CHD2: variants seen among roughly 807,000 people sequenced by gnomAD.
CHD2 encodes ATP-dependent chromatin remodeler CHD2.
CHD2 carries 28 observed loss-of-function variants against 243.9 expected under a neutral mutation model. The observed-to-expected ratio is 0.11, with a 90% CI of 0.09 to 0.16. The LOEUF (loss-of-function observed/expected upper bound fraction) is 0.16, where lower values mean the gene tolerates loss of function less well. CHD2 is among the 10% of genes least tolerant of loss of function. The pLI is 1.00. For missense variants in CHD2, 1,386 were observed against 2,209.8 expected (o/e 0.63, Z 7.47); for synonymous variants, 775 against 779.0 (o/e 0.99, Z 0.09).
At chr15:92,920,884 G>A (rs1470564046) in intron 2 of CHD2, among the ~76,000 whole-genome samples, 4 of 152,206 alleles carry the variant, frequency 2.6e-5, no homozygotes, top group Non-Finnish European at 5.9e-5. Context: ...TGCTTAGTTT[G>A]CAAGTTTATT....
intron 33 of CHD2, 167 bp from the exon 34 acceptor site, chr15:93,004,450 C>T (rs2141876275): frequency 3.8e-6 from 2 of 524,122 alleles, no homozygotes; most frequent in Non-Finnish European, 3.2e-6. Flanking sequence ...AGCTGCTAAT[C>T]AGACAGGTTT....
intron 2 of CHD2, among the ~76,000 whole-genome samples, chr15:92,909,342 G>A (rs1225376138): frequency 6.6e-6 from 1 of 152,066 alleles, no homozygotes; most frequent in Admixed American, 6.6e-5. Flanking sequence ...AAAAACATTG[G>A]TGGGTTGTGA....
intron 27 of CHD2, chr15:92,991,762 A>C: frequency 2.7e-6 from 1 of 373,972 alleles, no homozygotes; most frequent in South Asian, 7.0e-5. Context: ...GAGATAAAGC[A>C]AGTATATTCA....
At chr15:92,980,123 C>A (rs1181200884) in intron 22 of CHD2, among the ~76,000 whole-genome samples, 2 of 151,696 alleles carry the variant, frequency 1.3e-5, no homozygotes, top group African/African-American at 4.8e-5. Context: ...TGGCTCATTG[C>A]AACCTCTGTC....
intron 4 of CHD2, 131 bp downstream of exon 4, chr15:92,927,461 T>C: frequency 6.4e-6 from 4 of 623,160 alleles, no homozygotes; most frequent in Non-Finnish European, 1.1e-5. Context: ...TAATATGAGC[T>C]ATCTATGACC....
At chr15:92,984,573 AGAAGAG>A in intron 25 of CHD2, 73 bp downstream of exon 25, 2 of 1,375,176 alleles carry the variant, frequency 1.5e-6, no homozygotes, top group Non-Finnish European at 1.9e-6. Flanking sequence ...GATTATTCAA[AGAAGAG>A]GCCTTGCATT....
chr15:92,908,268 A>G (rs1456229445), intron 2 of CHD2, among the ~76,000 whole-genome samples: 1 of 152,162 alleles, frequency 6.6e-6, no homozygotes. Context: ...AACAGCAGTA[A>G]TATTTACAAC....
At chr15:92,991,709 A>T (rs1013597402) in intron 27 of CHD2, 192 bp downstream of exon 27, 1 of 445,266 alleles carries the variant, frequency 2.2e-6, no homozygotes, top group Non-Finnish European at 3.9e-6. Context: ...GACAAAGATG[A>T]TAAAGACAGG....
At chr15:92,949,681 C>T (rs2053526360) in intron 13 of CHD2, among the ~76,000 whole-genome samples, 1 of 152,174 alleles carries the variant, frequency 6.6e-6, no homozygotes, top group Admixed American at 6.5e-5. Flanking sequence ...TTGGGAAGTA[C>T]TTACAAATTT....
At position 92,965,875 on chromosome 15, in the gene CHD2, A is replaced by C. The variant is rs139545535; in HGVS notation, c.2001-1450A>C. ...TTTACATTTAATTTTTTAGATTAGTAAAGTTTTAATTTATTATAACATGTG... is the reference window on the plus strand; with the variant it reads ...TTTACATTTAATTTTTTAGATTAGTCAAGTTTTAATTTATTATAACATGTG... On this transcript the variant is annotated intron_variant, in intron 16 of 38. Coordinates refer to ENST00000394196, the MANE Select transcript of CHD2 (RefSeq NM_001271.4). Among the ~76,000 whole-genome samples the C allele has an allele frequency of 8.2e-3, 1,245 of 152,272 alleles. 55 individuals are homozygous for C. Among genetic ancestry groups the C allele is most frequent in the Admixed American group, 0.07 (1,068 of 15,296 alleles).
chr15:92,973,426 T>C, intron 19 of CHD2, among the ~76,000 whole-genome samples: 1 of 152,016 alleles, frequency 6.6e-6, no homozygotes, highest in Admixed American at 6.6e-5. Flanking sequence ...ATTTATTACA[T>C]TTTTTTTAAA....
chr15:92,917,094 T>G (rs192740174), intron 2 of CHD2, among the ~76,000 whole-genome samples: 247 of 152,366 alleles, frequency 1.6e-3, no homozygotes, highest in African/African-American at 5.7e-3. Flanking sequence ...TCATATGTTG[T>G]GTATCTATAT....
At chr15:92,990,436 C>T (rs935537576) in intron 26 of CHD2, among the ~76,000 whole-genome samples, 1 of 152,122 alleles carries the variant, frequency 6.6e-6, no homozygotes, top group African/African-American at 2.4e-5. Flanking sequence ...TGATTGTGAC[C>T]GTTTATGCCA....
chr15:92,997,544 A>C lies in CHD2; in HGVS notation c.3885+141A>C. 1.3e-6 allele frequency: 1 copy of C among 751,518 alleles called. No individual in the cohort carries two copies. The highest frequency in any genetic ancestry group is 1.8e-5 in the African/African-American group (1 of 54,810). 46.6% of individuals were successfully genotyped at this position (751,518 alleles called of 1,614,324 possible). ...CATTCTTGGAAATACTTCCATCTTT[A>C]GCAGATTGTGGCACTGTTTCACGGA... On this transcript the variant is annotated intron_variant, in intron 30 of 38. Coordinates refer to ENST00000394196, the MANE Select transcript of CHD2 (RefSeq NM_001271.4). The surrounding 1 kb of genome is among the most constrained non-coding windows in gnomAD (Gnocchi z 4.1).
chr15:93,012,282 A>G (rs2054403166), intron 35 of CHD2, 63 bp from the exon 36 acceptor site: 4 of 1,052,986 alleles, frequency 3.8e-6, no homozygotes, highest in Non-Finnish European at 5.6e-6. Flanking sequence ...CCATCCATGA[A>G]GATCATAAAA....
chr15:93,011,856 T>C (rs2054398144), intron 35 of CHD2, among the ~76,000 whole-genome samples: 1 of 152,166 alleles, frequency 6.6e-6, no homozygotes, highest in East Asian at 1.9e-4. Context: ...GATGACCAAC[T>C]GAATGGAGGC....
chr15:92,905,710 A>C (rs2052608729), intron 2 of CHD2, among the ~76,000 whole-genome samples: 1 of 152,184 alleles, frequency 6.6e-6, no homozygotes, highest in Non-Finnish European at 1.5e-5. Flanking sequence ...AACTAGCTGA[A>C]ATTGCTTTTT....
intron 19 of CHD2, chr15:92,974,025 G>GC (rs1416649890): frequency 6.6e-6 from 1 of 152,222 alleles, no homozygotes; most frequent in African/African-American, 2.4e-5. Flanking sequence ...TCTGCTGCCA[G>GC]CCAAGTCACC....
Position 93,024,401 on chromosome 15 carries a change from C to G in CHD2, c.5183C>G (p.Ser1728Cys). The change falls in exon 39 of 39, where the codon TCC becomes TGC. Residue 1728 changes from serine to cysteine, a missense_variant. Physicochemically the swap from Ser to Cys is moderately radical, Grantham distance 112. Coordinates refer to ENST00000394196, the MANE Select transcript of CHD2 (RefSeq NM_001271.4). Reference protein sequence around the residue: ...RHHHDSKRRRSDEFRPQNYHQ... With the variant: ...RHHHDSKRRRCDEFRPQNYHQ... ...CATCATGACTCCAAGCGGAGGAGAT[C>G]CGATGAATTTAGGCCTCAAAATTAC... The G allele has an allele frequency of 6.2e-7, 1 of 1,613,974 alleles. No individual in the cohort carries two copies. The highest frequency in any genetic ancestry group is 1.1e-5 in the South Asian group (1 of 91,072).
Sources: gnomAD v4.1 joint callset for allele counts (sites outside exome capture counted in the v4.1 genomes callset) on GRCh38, gnomAD v4.1.1 for gene constraint, Gnocchi (gnomAD v3.1) non-coding constraint, MANE v1.5 for transcripts, NCBI Gene and HGNC (gene_info 2026-07-23, HGNC 2026-07-21) for gene names.